TTC19: variants seen among roughly 807,000 people sequenced by gnomAD.
The protein encoded by TTC19 is tetratricopeptide repeat domain 19.
TTC19 carries 38 observed loss-of-function variants against 49.5 expected under a neutral mutation model. The ratio of observed to expected loss-of-function variants is 0.77; its 90% CI spans 0.59 to 1.01. TTC19 has a LOEUF of 1.01. Ranked by LOEUF, TTC19 falls within the 50% of genes least tolerant of loss-of-function variation. The probability of loss-of-function intolerance (pLI) is 0.00; values close to 1 mark genes in which losing one functional copy is unlikely to be tolerated. For synonymous variants in TTC19, 204 were observed against 185.2 expected, an observed-to-expected ratio of 1.10 and a Z score of -0.83; for missense variants, 475 against 477.7, an observed-to-expected ratio of 0.99 and a Z score of 0.05.
rs1337061140 is a variant in TTC19, at chr17:16,027,428, T to G, written c.1049T>G (p.Leu350Arg). The G allele has an allele frequency of 6.2e-7, 1 of 1,614,102 alleles. No homozygotes were observed. Among genetic ancestry groups the G allele is most frequent in the East Asian group, 2.2e-5 (1 of 44,886 alleles). ...CAGGAAGCACTGAAGCAAGCAAAGCTGAAAAAAGATGAAATTTCTGTACAA... is the reference window on the plus strand; with the variant it reads ...CAGGAAGCACTGAAGCAAGCAAAGCGGAAAAAAGATGAAATTTCTGTACAA... The part of the protein sequence containing the change: ...IYQEALKQAK[L>R]KKDEISVQHI... Residue 350 changes from leucine to arginine, a missense_variant, in exon 10 of 10, where the codon CTG (leucine) becomes CGG (arginine). Transcript: ENST00000261647.
chr17:16,005,813 A>G (rs1162802650), intron 6 of TTC19, among the ~76,000 whole-genome samples: 2 of 152,250 alleles, frequency 1.3e-5, no homozygotes, highest in Non-Finnish European at 2.9e-5. Flanking sequence ...TGAACTGTTT[A>G]GGGTAGTATT....
intron 7 of TTC19, among the ~76,000 whole-genome samples, chr17:16,015,937 C>T (rs1597460538): frequency 6.6e-6 from 1 of 151,880 alleles, no homozygotes; most frequent in East Asian, 1.9e-4. Context: ...ATAGTTTCTC[C>T]TTGGTTTTTG....
At chr17:16,040,544 A>G in intron 2 of TTC19, 2 of 1,501,388 alleles carry the variant, frequency 1.3e-6, no homozygotes, top group South Asian at 1.2e-5. Context: ...AATCATATAT[A>G]CCAAACTAAA....
chr17:16,028,889 A>G lies in TTC19; in HGVS notation c.*1367A>G. ...AAACACCAGAAACCTTGAGGTCCAA[A>G]TCCTCAGGGATTAGACTAAAACTAG... is the stretch of plus-strand genomic sequence containing the variant. On this transcript the variant is annotated 3_prime_UTR_variant, in exon 10 of 10. Transcript: ENST00000261647. 2.4e-6 allele frequency: 1 copy of G among 412,722 alleles called. No individual in the cohort carries two copies. Among genetic ancestry groups the G allele is most frequent in the Non-Finnish European group, 4.7e-6 (1 of 214,444 alleles). The allele number at this position is 412,722 out of a possible 1,614,324, so 25.6% of individuals were successfully genotyped here.
intron 7 of TTC19, among the ~76,000 whole-genome samples, chr17:16,022,264 T>C (rs893314205): frequency 3.3e-4 from 50 of 152,362 alleles, no homozygotes; most frequent in African/African-American, 1.2e-3. Context: ...AGCTTACTCC[T>C]AATTTGTGGC....
At chr17:16,041,424 C>CT (rs2057575771) in intron 2 of TTC19, among the ~76,000 whole-genome samples, 1 of 46,244 alleles carries the variant, frequency 2.2e-5, no homozygotes, top group South Asian at 4.7e-4. Context: ...TTTTTTTTTC[C>CT]TTTGAGATGG....
chr17:16,037,024 C>T (rs932263239), intron 2 of TTC19, among the ~76,000 whole-genome samples: 4 of 152,216 alleles, frequency 2.6e-5, no homozygotes, highest in Admixed American at 6.5e-5. Context: ...TTTCAAGTGA[C>T]AGACTTAGTG....
chr17:16,011,726 A>G (rs996873034), intron 7 of TTC19, among the ~76,000 whole-genome samples: 3 of 152,232 alleles, frequency 2.0e-5, no homozygotes, highest in African/African-American at 7.2e-5. Flanking sequence ...TGGTTTGGCT[A>G]TTTATGTACT....
chr17:16,000,262 CCCTGCGCCCG>C lies in TTC19; in HGVS notation c.312+18_312+27del, dbSNP rs1567575393. 1.3e-6 allele frequency: 2 copies of C among 1,593,408 alleles called. No individual in the cohort carries two copies. Among genetic ancestry groups the C allele is most frequent in the South Asian group, 2.2e-5 (2 of 90,832 alleles). On this transcript the variant is annotated intron_variant, in intron 2 of 9. Transcript: ENST00000261647. ...CGAGCCAAGGTGAGGCGGCTCCGGGCCCTGCGCCCGGCCGAGCGCGGTAGCCTTTGTGAGC... is the reference window on the plus strand; with the variant it reads ...CGAGCCAAGGTGAGGCGGCTCCGGGCGCCGAGCGCGGTAGCCTTTGTGAGC...
chr17:16,032,024 C>T (rs1265269213), downstream of TTC19: 2 of 412,956 alleles, frequency 4.8e-6, no homozygotes, highest in African/African-American at 4.2e-5. Flanking sequence ...AGAACAGCAA[C>T]TGTTCACTTT....
intron 7 of TTC19, among the ~76,000 whole-genome samples, chr17:16,010,087 T>C (rs982186366): frequency 2.6e-5 from 4 of 151,924 alleles, no homozygotes; most frequent in Admixed American, 6.5e-5. Context: ...ATAATATTAA[T>C]AGTACAAAGC....
intron 7 of TTC19, among the ~76,000 whole-genome samples, chr17:16,012,744 G>A (rs1351710583): frequency 6.6e-6 from 1 of 151,874 alleles, no homozygotes; most frequent in Non-Finnish European, 1.5e-5. Context: ...CTCCATGTTG[G>A]TCAGGCTGGT....
At chr17:16,035,844 T>C (rs1341432007) in intron 2 of TTC19, among the ~76,000 whole-genome samples, 1 of 152,100 alleles carries the variant, frequency 6.6e-6, no homozygotes, top group Non-Finnish European at 1.5e-5. Context: ...ACCCGGCCTC[T>C]CTTGCTATTT....
At chr17:16,020,379 TC>T (rs1971338483) in intron 7 of TTC19, among the ~76,000 whole-genome samples, 1 of 152,208 alleles carries the variant, frequency 6.6e-6, no homozygotes, top group Admixed American at 6.5e-5. Flanking sequence ...TCTTAACGAT[TC>T]GTAAGAGTTC....
At chr17:16,035,833 T>C (rs2056243320) in intron 2 of TTC19, among the ~76,000 whole-genome samples, 1 of 152,116 alleles carries the variant, frequency 6.6e-6, no homozygotes, top group Non-Finnish European at 1.5e-5. Context: ...TGAGTCATCA[T>C]ACCCGGCCTC....
At chr17:16,014,864 T>C (rs190271613) in intron 7 of TTC19, among the ~76,000 whole-genome samples, 1 of 152,276 alleles carries the variant, frequency 6.6e-6, no homozygotes, top group Non-Finnish European at 1.5e-5. Context: ...CATCAAGCAA[T>C]AGTAGTAATA....
chr17:16,022,382 C>T (rs1283882804), intron 7 of TTC19, among the ~76,000 whole-genome samples: 2 of 152,150 alleles, frequency 1.3e-5, no homozygotes, highest in African/African-American at 2.4e-5. Flanking sequence ...TTAGATTCTG[C>T]TTTATTCCCT....
chr17:16,010,153 TTTTTTAA>T (rs1971023446), intron 7 of TTC19, among the ~76,000 whole-genome samples: 10 of 149,892 alleles, frequency 6.7e-5, no homozygotes, highest in African/African-American at 2.5e-5. Context: ...ATTTTTTTTA[TTTTTTAA>T]TTTTTAATTT....
chr17:16,025,592 G>A (rs1971528149), intron 8 of TTC19, among the ~76,000 whole-genome samples: 1 of 152,152 alleles, frequency 6.6e-6, no homozygotes, highest in African/African-American at 2.4e-5. Context: ...AAGGGCAAGG[G>A]ACCACATTAA....
Sources: allele counts gnomAD v4.1 joint callset (sites outside exome capture counted in the v4.1 genomes callset), GRCh38; gene constraint gnomAD v4.1.1; transcripts MANE v1.5; gene names NCBI Gene and HGNC (gene_info 2026-07-23, HGNC 2026-07-21).